KLRG1: variants seen among roughly 807,000 people sequenced by gnomAD.
The protein encoded by KLRG1 is killer cell lectin-like receptor subfamily G member 1.
In KLRG1, 16 loss-of-function variants were observed where a neutral mutation model predicts 21.8. That is an observed-to-expected ratio of 0.73 (90% confidence interval 0.50 to 1.11). KLRG1 has a LOEUF of 1.11. KLRG1 is among the 50% of genes most tolerant of loss of function. The probability of loss-of-function intolerance (pLI) is 0.00; values close to 1 mark genes in which losing one functional copy is unlikely to be tolerated. For missense variants in KLRG1, 173 were observed against 218.3 expected (o/e 0.79, Z 1.31); for synonymous variants, 69 against 75.9 (o/e 0.91, Z 0.47).
chr12:9,099,414 T>G, the KLRG1 span: 2 of 1,571,550 alleles, frequency 1.3e-6, no homozygotes, highest in Non-Finnish European at 8.6e-7. Context: ...CATCATATTT[T>G]GCAGAATCCC....
At chr12:9,080,103 A>C in the KLRG1 span, 1 of 1,585,090 alleles carries the variant, frequency 6.3e-7, no homozygotes, top group Non-Finnish European at 8.6e-7. Flanking sequence ...CCCAAAACTG[A>C]GACAGAAGCT....
At chr12:8,983,373 A>G (rs1592256184) in intron 1 of KLRG1, among the ~76,000 whole-genome samples, 1 of 93,822 alleles carries the variant, frequency 1.1e-5, no homozygotes, top group East Asian at 2.9e-4. Flanking sequence ...AGAATTCTGT[A>G]TTGGCAGTCT....
the KLRG1 span, among the ~76,000 whole-genome samples, chr12:9,030,911 A>G: frequency 4.6e-5 from 7 of 152,342 alleles, no homozygotes; most frequent in South Asian, 6.2e-4. Flanking sequence ...GTAAAGGTTG[A>G]TAAGATAGGG....
the KLRG1 span, among the ~76,000 whole-genome samples, chr12:9,042,569 T>C: frequency 6.6e-6 from 1 of 152,222 alleles, no homozygotes; most frequent in Non-Finnish European, 1.5e-5. Flanking sequence ...AGAGCATTGT[T>C]ACCCAGCACT....
At chr12:9,134,334 C>T in the KLRG1 span, among the ~76,000 whole-genome samples, 19 of 152,296 alleles carry the variant, frequency 1.2e-4, no homozygotes, top group Non-Finnish European at 1.3e-4. Context: ...AATGCCTATA[C>T]ACCCATACAT....
the KLRG1 span, chr12:9,154,616 C>G: frequency 6.2e-7 from 1 of 1,613,768 alleles, no homozygotes; most frequent in East Asian, 2.2e-5. Context: ...AACCACTGAC[C>G]TGGGTGGAGG....
At chr12:9,187,997 A>G in the KLRG1 span, among the ~76,000 whole-genome samples, 1 of 152,258 alleles carries the variant, frequency 6.6e-6, no homozygotes, top group African/African-American at 2.4e-5. Flanking sequence ...GGTTGCCCCC[A>G]TGAGGAGAAG....
chr12:9,027,648 A>G, the KLRG1 span: 1 of 918,468 alleles, frequency 1.1e-6, no homozygotes, highest in South Asian at 1.3e-5. Flanking sequence ...TCTGACTCCA[A>G]AGATTCTTCC....
chr12:9,019,740 T>G, the KLRG1 span, among the ~76,000 whole-genome samples: 1 of 152,138 alleles, frequency 6.6e-6, no homozygotes, highest in Non-Finnish European at 1.5e-5. Flanking sequence ...AAATTTCTGA[T>G]TTCTTCCTTT....
chr12:9,153,388 G>C, the KLRG1 span: 1 of 1,539,596 alleles, frequency 6.5e-7, no homozygotes, highest in Non-Finnish European at 8.9e-7. Flanking sequence ...TAAATTTTTG[G>C]CATCTGGGAT....
At chr12:9,101,645 G>A in the KLRG1 span, 85,980 of 1,613,432 alleles carry the variant, frequency 0.053, 2,730 homozygotes, top group South Asian at 0.08. Flanking sequence ...ACTGGTAGCC[G>A]TAACAGGGAC....
At chr12:9,203,933 GA>G in the KLRG1 span, 1 of 1,613,478 alleles carries the variant, frequency 6.2e-7, no homozygotes, top group Non-Finnish European at 8.5e-7. Flanking sequence ...GCAGGGAGGG[GA>G]CCAGCACCAT....
At chr12:9,000,031 T>C (rs1947259913) in intron 3 of KLRG1, among the ~76,000 whole-genome samples, 1 of 152,078 alleles carries the variant, frequency 6.6e-6, no homozygotes, top group Non-Finnish European at 1.5e-5. Context: ...TGATACTCTG[T>C]CTCAAAAACA....
At chr12:8,968,582 G>T (rs1429787927) in intron 1 of KLRG1, among the ~76,000 whole-genome samples, 1 of 152,136 alleles carries the variant, frequency 6.6e-6, no homozygotes, top group Non-Finnish European at 1.5e-5. Flanking sequence ...GGTGGTATAG[G>T]AGCCTTGAAC....
At chr12:9,211,290 CTTTAA>C in the KLRG1 span, among the ~76,000 whole-genome samples, 1 of 152,026 alleles carries the variant, frequency 6.6e-6, no homozygotes, top group Non-Finnish European at 1.5e-5. Flanking sequence ...CTTCACTCTT[CTTTAA>C]TTTTTTTTCT....
chr12:9,158,357 C>G, the KLRG1 span: 1 of 1,584,224 alleles, frequency 6.3e-7, no homozygotes, highest in Non-Finnish European at 8.6e-7. Context: ...TCCTTCCTCC[C>G]TTCACCCCTG....
chr12:9,042,423 CTGTAGACCTTTG>C, the KLRG1 span, among the ~76,000 whole-genome samples: 2 of 152,224 alleles, frequency 1.3e-5, no homozygotes, highest in Admixed American at 6.5e-5. Flanking sequence ...AAGATTACAG[CTGTAGACCTTTG>C]TGTAGACCTC....
At chr12:9,070,108 G>A in the KLRG1 span, among the ~76,000 whole-genome samples, 2 of 152,142 alleles carry the variant, frequency 1.3e-5, no homozygotes, top group African/African-American at 4.8e-5. Context: ...TCTTCATAAG[G>A]AGTTTTTTTC....
chr12:9,074,836 C>A, the KLRG1 span: 24 of 1,532,214 alleles, frequency 1.6e-5, no homozygotes, highest in Non-Finnish European at 2.1e-5. Context: ...ATATTTAATT[C>A]AAGGTGAAAG....
Sources: gnomAD v4.1 joint callset for allele counts (sites outside exome capture counted in the v4.1 genomes callset) on GRCh38, gnomAD v4.1.1 for gene constraint, MANE v1.5 for transcripts, NCBI Gene and HGNC (gene_info 2026-07-23, HGNC 2026-07-21) for gene names.